DENND3: variants seen among roughly 807,000 people sequenced by gnomAD.
DENND3 encodes DENN domain-containing protein 3.
DENND3 carries 88 observed loss-of-function variants against 135.1 expected under a neutral mutation model. The ratio of observed to expected loss-of-function variants is 0.65; its 90% confidence interval spans 0.55 to 0.78. DENND3 has a LOEUF of 0.78. DENND3 is among the 30% of genes least tolerant of loss of function. DENND3 has a pLI of 0.00. For synonymous variants in DENND3, 693 were observed against 712.3 expected (o/e 0.97, Z 0.43); for missense variants, 1,392 against 1,688.4 (o/e 0.82, Z 3.08).
rs552171043 is a variant in DENND3 at position 141,144,238 on chromosome 8, G to A, written c.714G>A (p.Pro238=). 36 of 1,613,218 alleles carry A rather than the reference G, an allele frequency of 2.2e-5. 1 individual carries two copies. The Admixed American group carries it at 2.8e-4, about 13-fold the overall frequency. ...FAAKLSLIPS[P]PPGPLHLVFN... ...CGAAGCTGTCTTTAATACCCAGCCC[G>A]CCACCTGGACCGCTCCATTTGGTAA... Residue 238 remains proline (P), a synonymous_variant, in exon 5 of 23, where the codon CCG becomes CCA. Transcript: ENST00000519811. The surrounding 1 kb of genome is among the most constrained non-coding windows in gnomAD (Gnocchi z 4.4).
chr8:141,190,605 C>T (rs570313156), intron 20 of DENND3, 188 bp downstream of exon 20: 3 of 858,382 alleles, frequency 3.5e-6, no homozygotes, highest in Middle Eastern at 3.6e-4. Context: ...GGGGGCTCCC[C>T]AGGCCTCCCT....
intron 8 of DENND3, among the ~76,000 whole-genome samples, chr8:141,159,117 G>A (rs547260055): frequency 6.6e-6 from 1 of 152,330 alleles, no homozygotes; most frequent in South Asian, 2.1e-4. Flanking sequence ...GTCAGCCAGG[G>A]CTGGGCTGGC....
At chr8:141,145,738 A>T (rs1016091117) in intron 5 of DENND3, among the ~76,000 whole-genome samples, 13 of 149,480 alleles carry the variant, frequency 8.7e-5, no homozygotes, top group African/African-American at 3.2e-4. Flanking sequence ...GAATCCTTTT[A>T]TAGAAGAATT....
At chr8:141,132,960 G>C (rs1816310266) in intron 1 of DENND3, among the ~76,000 whole-genome samples, 1 of 152,248 alleles carries the variant, frequency 6.6e-6, no homozygotes, top group South Asian at 2.1e-4. Context: ...TGTGGGGACA[G>C]AGAGGAATAC....
At chr8:141,164,795 G>A (rs983305545) in intron 10 of DENND3, among the ~76,000 whole-genome samples, 5 of 152,074 alleles carry the variant, frequency 3.3e-5, no homozygotes, top group South Asian at 2.1e-4. Context: ...CTGGAGCTGC[G>A]CCAGCCACGA....
Position 141,192,440 on chromosome 8 carries a change from C to G in DENND3, c.3489C>G (p.Leu1163=). Residue 1163 remains leucine, a synonymous_variant, in exon 21 of 23, where the codon CTC becomes CTG. Transcript: ENST00000519811. ...DTSTSFLAFQ[L]LPEEEQLWAA... is the part of the protein sequence containing the mutation. ...GTACCTCCTTCCTGGCCTTCCAGCT[C>G]CTTCCTGAGGTATCCCAGCAGGGGC... is the stretch of plus-strand genomic sequence containing the variant. The G allele has an allele frequency of 6.2e-7, 1 of 1,614,230 alleles. No homozygotes were observed. Among genetic ancestry groups the G allele is most frequent in the Non-Finnish European group, 8.5e-7 (1 of 1,180,030 alleles).
chr8:141,177,718 T>A (rs914945755), intron 15 of DENND3: 3 of 195,748 alleles, frequency 1.5e-5, no homozygotes, highest in African/African-American at 7.0e-5. Context: ...TAAAGTTTTA[T>A]TGGAACACAG....
At position 141,176,364 on chromosome 8, in the gene DENND3, G is replaced by A. The variant is rs1187894359; in HGVS notation, c.2536-227G>A. The A allele has an allele frequency of 2.2e-5, 12 of 545,422 alleles. No homozygotes were observed. In the Admixed American group the frequency reaches 3.1e-4, roughly 14 times the overall value. The allele number at this position is 545,422 out of a possible 1,614,324, so 33.8% of individuals were successfully genotyped here. A position where few individuals can be genotyped will look rare whatever the true frequency, so the allele number is the denominator to read the frequency against. The stretch of plus-strand genomic sequence containing the variant: ...AATGCGCTGCCTTCGGACACTGGGC[G>A]AGCCCAGCTGTGTGGGTGGGTGTAG... On this transcript the variant is annotated intron_variant, in intron 14 of 22. Coordinates refer to ENST00000519811, the MANE Select transcript of DENND3 (RefSeq NM_001352890.3).
chr8:141,165,115 G>C (rs1449291423), intron 10 of DENND3, 71 bp from the exon 11 acceptor site: 1 of 1,183,278 alleles, frequency 8.5e-7, no homozygotes, highest in African/African-American at 1.5e-5. Context: ...TGCCAGGAAG[G>C]CTCAGGGGCT....
intron 10 of DENND3, among the ~76,000 whole-genome samples, chr8:141,164,215 C>T (rs758232364): frequency 2.6e-5 from 4 of 152,188 alleles, no homozygotes; most frequent in Non-Finnish European, 5.9e-5. Context: ...GTCTCAGCGG[C>T]GGCTCCTTTT....
rs918540568 is a variant in DENND3, at chr8:141,130,489, T to G, written c.102+1680T>G. Among the ~76,000 whole-genome samples, 1 of 152,108 alleles carries G rather than the reference T, an allele frequency of 6.6e-6. No homozygotes were observed. The highest frequency in any genetic ancestry group is 1.5e-5 in the Non-Finnish European group (1 of 68,022). Reference sequence around the variant, plus strand: ...TGTCCTCTTTACTCTGTCTTTTGATTCTGTTAGGGGTTTGGCAAAGGGTGG... The same window carrying G: ...TGTCCTCTTTACTCTGTCTTTTGATGCTGTTAGGGGTTTGGCAAAGGGTGG... On this transcript the variant is annotated intron_variant, in intron 1 of 22. Transcript: ENST00000519811. The surrounding 1 kb of genome is among the most constrained non-coding windows in gnomAD (Gnocchi z 4.2).
Position 141,141,055 on chromosome 8 carries a change from C to A in DENND3, c.502-148C>A. On this transcript the variant is annotated intron_variant, in intron 3 of 22. Coordinates refer to ENST00000519811, the MANE Select transcript of DENND3 (RefSeq NM_001352890.3). The surrounding 1 kb of genome is among the most constrained non-coding windows in gnomAD (Gnocchi z 5.3). ...AAATAGGGACCCCGTAGACTTCGAC[C>A]GGAGGGCCGGTGCTGGCTTGGACGC... 1 of 1,249,824 alleles carries A rather than the reference C, an allele frequency of 8.0e-7. No homozygotes were observed. Among genetic ancestry groups the A allele is most frequent in the Non-Finnish European group, 1.1e-6 (1 of 886,704 alleles). The allele number at this position is 1,249,824 out of a possible 1,614,324, so 77.4% of individuals were successfully genotyped here.
chr8:141,194,517 T>A lies in DENND3; in HGVS notation c.*284T>A. 2.4e-6 allele frequency: 1 copy of A among 419,370 alleles called. No homozygotes were observed. 26.0% of individuals were successfully genotyped at this position (419,370 alleles called of 1,614,324 possible). On this transcript the variant is annotated 3_prime_UTR_variant, in exon 23 of 23. Coordinates refer to ENST00000519811, the MANE Select transcript of DENND3 (RefSeq NM_001352890.3). The stretch of plus-strand genomic sequence containing the variant: ...GATAACCTCTGCTGGGAGGTTACTT[T>A]GTTGCCTAGAAAGTTCTGGAATCCA...
At chr8:141,189,971 A>C (rs896863324) in intron 19 of DENND3, among the ~76,000 whole-genome samples, 2 of 152,106 alleles carry the variant, frequency 1.3e-5, no homozygotes, top group Non-Finnish European at 2.9e-5. Context: ...CTCTATGACA[A>C]CACCTCATTG....
chr8:141,129,412 G>T (rs1311110108), intron 1 of DENND3, among the ~76,000 whole-genome samples: 2 of 152,108 alleles, frequency 1.3e-5, no homozygotes, highest in Non-Finnish European at 2.9e-5. Context: ...CTCCCTTGCG[G>T]TACCACCCCC....
intron 22 of DENND3, chr8:141,192,971 C>A: frequency 8.3e-7 from 1 of 1,211,376 alleles, no homozygotes; most frequent in Non-Finnish European, 1.1e-6. Context: ...TCGGCAGAGC[C>A]GCTTCCCTCG....
chr8:141,193,023 C>G (rs71516606), intron 22 of DENND3: 14 of 667,018 alleles, frequency 2.1e-5, no homozygotes, highest in Middle Eastern at 4.2e-4. Flanking sequence ...TTCTCTCCCC[C>G]ACCCGCTCAT....
intron 5 of DENND3, among the ~76,000 whole-genome samples, chr8:141,145,837 A>ATTTT (rs1818029013): frequency 6.9e-5 from 2 of 28,884 alleles, no homozygotes; most frequent in African/African-American, 8.0e-4. Context: ...ATATATATAT[A>ATTTT]TATATATATA....
At chr8:141,158,173 C>T (rs572066867) in intron 8 of DENND3, 45 of 1,289,610 alleles carry the variant, frequency 3.5e-5, no homozygotes, top group East Asian at 1.1e-4. Context: ...GCTGTGGAAT[C>T]GCTGGGCTCT....
Sources: gnomAD v4.1 joint callset for allele counts (sites outside exome capture counted in the v4.1 genomes callset) on GRCh38, gnomAD v4.1.1 for gene constraint, Gnocchi (gnomAD v3.1) non-coding constraint, MANE v1.5 for transcripts, NCBI Gene and HGNC (gene_info 2026-07-23, HGNC 2026-07-21) for gene names.